The following KCNA6 variants were observed in gnomAD, a reference collection of about 807,000 sequenced individuals.
KCNA6 encodes the protein potassium voltage-gated channel subfamily A member 6, also known as human brain potassium channel-2.
In KCNA6, 17 loss-of-function variants were observed where a neutral mutation model predicts 29.5. The observed-to-expected ratio is 0.58, with a 90% CI of 0.39 to 0.86. The LOEUF (loss-of-function observed/expected upper bound fraction) is 0.86, where lower values mean the gene tolerates loss of function less well. KCNA6 is among the 40% of genes least tolerant of loss of function. KCNA6 has a pLI of 0.00. For synonymous variants in KCNA6, 296 were observed against 304.7 expected (o/e 0.97, Z 0.30); for missense variants, 450 against 703.4 (o/e 0.64, Z 4.07).
chr12:4,810,536 G>C lies in KCNA6; in HGVS notation c.495G>C (p.Glu165Asp), dbSNP rs1200693142. Residue 165 changes from glutamate to aspartate, a missense_variant, in exon 1 of 1, where the codon GAG (glutamate) becomes GAC (aspartate). Physicochemically the swap from Glu to Asp is conservative, Grantham distance 45. Coordinates refer to ENST00000280684, the Ensembl canonical transcript of KCNA6. This position sits in a 1 kb window ranked among gnomAD's most constrained non-coding sequence, Gnocchi z 7.5. ...AGCGCCAGGTGTGGCTGCTCTTTGA[G>C]TACCCAGAGAGCTCTGGGCCGGCCA... The C allele has an allele frequency of 6.2e-7, 1 of 1,614,170 alleles. No individual in the cohort carries two copies. The highest frequency in any genetic ancestry group is 1.1e-5 in the South Asian group (1 of 91,088).
the KCNA6 span, among the ~76,000 whole-genome samples, chr12:4,821,825 C>T: frequency 6.6e-6 from 1 of 152,160 alleles, no homozygotes; most frequent in African/African-American, 2.4e-5. Flanking sequence ...GCTGCTGAGG[C>T]TGGGCCGTCT....
chr12:4,820,378 G>T, the KCNA6 span, among the ~76,000 whole-genome samples: 1 of 152,020 alleles, frequency 6.6e-6, no homozygotes, highest in Admixed American at 6.5e-5. Context: ...ACAGATGGAG[G>T]GGGCAGTGAA....
chr12:4,825,235 A>T, the KCNA6 span, among the ~76,000 whole-genome samples: 1 of 152,172 alleles, frequency 6.6e-6, no homozygotes, highest in East Asian at 1.9e-4. Context: ...CTCAAATGTG[A>T]TCTGCAGAAC....
chr12:4,850,600 C>T, the KCNA6 span: 11 of 321,474 alleles, frequency 3.4e-5, no homozygotes, highest in South Asian at 1.0e-4. The surrounding 1 kb of genome is among the most constrained non-coding windows in gnomAD (Gnocchi z 5.4). Context: ...GATGGGGACT[C>T]GGTAGGAGCT....
chr12:4,835,228 G>A, the KCNA6 span, among the ~76,000 whole-genome samples: 4 of 150,466 alleles, frequency 2.7e-5, no homozygotes, highest in Admixed American at 6.6e-5. Flanking sequence ...TCTGCCTCCC[G>A]GGTTCACACC....
At chr12:4,834,096 A>C in the KCNA6 span, among the ~76,000 whole-genome samples, 5 of 151,550 alleles carry the variant, frequency 3.3e-5, no homozygotes, top group Non-Finnish European at 7.4e-5. Context: ...TCTGGCTATA[A>C]ATTTTTATTT....
Position 4,811,140 on chromosome 12 carries a change from A to G in KCNA6, c.1099A>G (p.Lys367Glu), listed in dbSNP as rs1218904197. 2.5e-6 allele frequency: 4 copies of G among 1,614,176 alleles called. No homozygotes were observed. The highest frequency in any genetic ancestry group is 1.3e-5 in the African/African-American group (1 of 75,066). Residue 367 changes from lysine to glutamate, a missense_variant, in exon 1 of 1, where the codon AAG (lysine) becomes GAG (glutamate). Physicochemically the swap from Lys to Glu is moderately conservative, Grantham distance 56. Around this residue, in one of 7 missense-constraint regions of KCNA6, gnomAD observed 12 missense variants for 64.4 expected, o/e 0.19. Coordinates refer to ENST00000280684, the Ensembl canonical transcript of KCNA6. This position sits in a 1 kb window ranked among gnomAD's most constrained non-coding sequence, Gnocchi z 7.1. ...CTCCAAGGGGCTGCAGATCCTGGGC[A>G]AGACCTTGCAGGCCTCCATGAGGGA...
the KCNA6 span, among the ~76,000 whole-genome samples, chr12:4,819,794 G>C: frequency 6.6e-6 from 1 of 152,312 alleles, no homozygotes; most frequent in African/African-American, 2.4e-5. Context: ...GAATTGGTCT[G>C]AATCACTGTT....
At chr12:4,828,958 G>T in the KCNA6 span, among the ~76,000 whole-genome samples, 2 of 152,104 alleles carry the variant, frequency 1.3e-5, no homozygotes, top group African/African-American at 4.8e-5. Context: ...CATCCTCTTC[G>T]TCCTCCCATT....
At chr12:4,835,934 G>GTTTT in the KCNA6 span, among the ~76,000 whole-genome samples, 8 of 137,210 alleles carry the variant, frequency 5.8e-5, no homozygotes, top group African/African-American at 1.1e-4. Flanking sequence ...AAAAGTCGCT[G>GTTTT]TTTTTTTTTT....
chr12:4,835,359 C>T, the KCNA6 span, among the ~76,000 whole-genome samples: 1 of 152,146 alleles, frequency 6.6e-6, no homozygotes, highest in Non-Finnish European at 1.5e-5. Flanking sequence ...TGGTCTCGAT[C>T]TCCTGACCTT....
In KCNA6 at chr12:4,810,251, T is replaced by G. The variant is rs1946611846; in HGVS notation, c.210T>G (p.Pro70=). 1 of 1,613,956 alleles carries G rather than the reference T, an allele frequency of 6.2e-7. No individual in the cohort carries two copies. ...TTCCGGACACGCTGCTCGGAGACCC[T>G]GGCCGGCGAGTCCGCTTCTTCGACC... is the stretch of plus-strand genomic sequence containing the variant. The change falls in exon 1 of 1, where the codon CCT becomes CCG. Residue 70 remains proline, a synonymous_variant. Transcript: ENST00000280684. This position sits in a 1 kb window ranked among gnomAD's most constrained non-coding sequence, Gnocchi z 7.5.
chr12:4,816,274 GTGTGTGTGTGTGTGTGTGTGTGTC>G (rs1946681387), downstream of KCNA6, among the ~76,000 whole-genome samples: 1 of 151,622 alleles, frequency 6.6e-6, no homozygotes. Context: ...GTGTGTGTGT[GTGTGTGTGTGTGTGTGTGTGTGTC>G]TGTGTGTGCT....
In KCNA6 at chr12:4,809,921, G is replaced by C. The variant is rs574421026; in HGVS notation, c.-121G>C. 1.8e-3 allele frequency: 2,172 copies of C among 1,224,886 alleles called. 6 individuals are homozygous for C. Among genetic ancestry groups the C allele is most frequent in the Middle Eastern group, 0.011 (45 of 4,174 alleles). 75.9% of individuals were successfully genotyped at this position (1,224,886 alleles called of 1,614,324 possible). A position where few individuals can be genotyped will look rare whatever the true frequency, so the allele number is the denominator to read the frequency against. On this transcript the variant is annotated 5_prime_UTR_variant, in exon 1 of 1. Coordinates refer to ENST00000280684, the Ensembl canonical transcript of KCNA6. ...CAACGGCCAGGTCAGACCGCGAACC[G>C]GGAGGAGCGCGGGCCCCACCCTAAA...
chr12:4,844,071 A>G, the KCNA6 span, among the ~76,000 whole-genome samples: 1 of 150,730 alleles, frequency 6.6e-6, no homozygotes, highest in Non-Finnish European at 1.5e-5. This position sits in a 1 kb window ranked among gnomAD's most constrained non-coding sequence, Gnocchi z 4.0. Context: ...TCTGGGATTG[A>G]CCTTTATTTT....
the KCNA6 span, among the ~76,000 whole-genome samples, chr12:4,822,855 C>A: frequency 1.3e-5 from 2 of 152,174 alleles, no homozygotes; most frequent in Non-Finnish European, 2.9e-5. Flanking sequence ...ATGGCCGTGC[C>A]CGGATTCGAT....
the KCNA6 span, among the ~76,000 whole-genome samples, chr12:4,827,141 CCT>C: frequency 1.6e-4 from 24 of 149,572 alleles, no homozygotes; most frequent in Admixed American, 1.3e-4. Flanking sequence ...TTCCTCCCTC[CCT>C]CTCTCCCTCG....
At chr12:4,823,783 A>T in the KCNA6 span, among the ~76,000 whole-genome samples, 1 of 152,160 alleles carries the variant, frequency 6.6e-6, no homozygotes, top group South Asian at 2.1e-4. Flanking sequence ...ATAAATAAAT[A>T]ATAAAATAAA....
At chr12:4,823,745 C>T in the KCNA6 span, among the ~76,000 whole-genome samples, 9 of 151,888 alleles carry the variant, frequency 5.9e-5, no homozygotes, top group Non-Finnish European at 1.0e-4. Flanking sequence ...CCTGCCTGGG[C>T]GACAGAGCGA....
Sources: allele counts gnomAD v4.1 joint callset (sites outside exome capture counted in the v4.1 genomes callset), GRCh38; gene constraint gnomAD v4.1.1; regional missense constraint gnomAD v4.1.1; non-coding constraint Gnocchi (gnomAD v3.1); transcripts MANE v1.5; gene names NCBI Gene and HGNC (gene_info 2026-07-23, HGNC 2026-07-21).